Variants in TGM5 observed in about 807,000 individuals in gnomAD.
The protein encoded by TGM5 is transglutaminase 5, also known as protein-glutamine gamma-glutamyltransferase 5.
In TGM5, 69 loss-of-function variants were observed where a neutral mutation model predicts 77.2. The observed-to-expected ratio is 0.89, with a 90% CI of 0.74 to 1.09. The LOEUF (loss-of-function observed/expected upper bound fraction) is 1.09. TGM5 is among the 50% of genes least tolerant of loss of function. The pLI is 0.00. For missense variants in TGM5, 842 were observed against 896.5 expected (o/e 0.94, Z 0.78); for synonymous variants, 346 against 351.8 (o/e 0.98, Z 0.18).
chr15:43,241,888 C>A (rs573819042), intron 6 of TGM5, among the ~76,000 whole-genome samples: 21 of 152,206 alleles, frequency 1.4e-4, no homozygotes, highest in Non-Finnish European at 2.4e-4. Flanking sequence ...GATCCGCCTG[C>A]CTTGGCCTCC....
intron 3 of TGM5, among the ~76,000 whole-genome samples, chr15:43,258,394 G>T (rs2042759010): frequency 1.3e-5 from 2 of 151,982 alleles, no homozygotes; most frequent in Admixed American, 6.6e-5. Context: ...CTAAAATAAA[G>T]GTTAAAAATT....
At position 43,235,912 on chromosome 15, in the gene TGM5, C is replaced by T. The variant is rs913879750; in HGVS notation, c.1346-75G>A. 3.1e-6 allele frequency: 5 copies of T among 1,591,590 alleles called. No individual in the cohort carries two copies. The African/African-American group carries it at 4.0e-5, about 13-fold the overall frequency. On this transcript the variant is annotated intron_variant, in intron 9 of 12. Transcript: ENST00000220420. ...TAGACTGAGGCTGAGCGCCATCCCC[C>T]ACCCAATATCTCCACCAACAACTTC...
At chr15:43,235,918 A>C in intron 9 of TGM5, 81 bp from the exon 10 acceptor site, 1 of 1,584,334 alleles carries the variant, frequency 6.3e-7, no homozygotes, top group Non-Finnish European at 8.6e-7. Flanking sequence ...CCCCCACCCA[A>C]TATCTCCACC....
chr15:43,261,072 G>GTTTTTTTTTTTTTT (rs1566837432), intron 1 of TGM5, among the ~76,000 whole-genome samples: 1 of 53,880 alleles, frequency 1.9e-5, no homozygotes, highest in African/African-American at 5.7e-5. Context: ...TTTTTTGTGT[G>GTTTTTTTTTTTTTT]TGTGTTTTTT....
chr15:43,234,624 A>C (rs2042573391), intron 11 of TGM5, 145 bp downstream of exon 11: 1 of 1,023,328 alleles, frequency 9.8e-7, no homozygotes, highest in Non-Finnish European at 1.5e-6. Context: ...TCTCAGACAA[A>C]CTTCTCCCTC....
intron 6 of TGM5, among the ~76,000 whole-genome samples, chr15:43,243,960 C>T (rs552004957): frequency 6.6e-6 from 1 of 152,180 alleles, no homozygotes; most frequent in Non-Finnish European, 1.5e-5. Context: ...GGTCACAGGG[C>T]AGGAAGAGAA....
In TGM5 at chr15:43,235,546, T is replaced by C. The variant is rs745476392; in HGVS notation, c.1637A>G (p.Gln546Arg). ...FKDLKVNLSAQSLLHDGSPLS... is the reference protein window; with the variant it reads ...FKDLKVNLSARSLLHDGSPLS... The stretch of plus-strand genomic sequence containing the variant: ...GGGGCTGCCATCGTGCAGCAGAGAC[T>C]GGGCACTCAGGTTCACTTTGAGGTC... The change falls in exon 10 of 13, where the codon CAG becomes CGG. Residue 546 changes from glutamine to arginine, a missense_variant. Around this residue, in one of 2 missense-constraint regions of TGM5, gnomAD observed 815 missense variants for 844.6 expected, o/e 0.96. Coordinates refer to ENST00000220420, the MANE Select transcript of TGM5 (RefSeq NM_201631.4). 6.2e-7 allele frequency: 1 copy of C among 1,614,180 alleles called. No individual in the cohort carries two copies. The highest frequency in any genetic ancestry group is 2.2e-5 in the East Asian group (1 of 44,882).
At chr15:43,263,557 G>C (rs1194031418) in intron 1 of TGM5, among the ~76,000 whole-genome samples, 1 of 152,186 alleles carries the variant, frequency 6.6e-6, no homozygotes, top group East Asian at 1.9e-4. Flanking sequence ...CAATTCAATG[G>C]GGGAAAGAAT....
chr15:43,253,683 G>T, intron 4 of TGM5, 49 bp from the exon 5 acceptor site: 1 of 1,605,046 alleles, frequency 6.2e-7, no homozygotes, highest in Non-Finnish European at 8.5e-7. Flanking sequence ...TGTCACGTGG[G>T]AGTATGTAAA....
chr15:43,242,340 C>T (rs1350637762), intron 6 of TGM5, among the ~76,000 whole-genome samples: 4 of 152,172 alleles, frequency 2.6e-5, no homozygotes, highest in South Asian at 2.1e-4. Context: ...CCTATTTTAT[C>T]GAATATTTGC....
intron 11 of TGM5, 46 bp from the exon 12 acceptor site, chr15:43,233,733 C>A: frequency 1.2e-6 from 2 of 1,609,732 alleles, no homozygotes; most frequent in African/African-American, 2.7e-5. Context: ...CATTCCCCAA[C>A]TCACCAGATA....
chr15:43,239,508 C>A, intron 7 of TGM5: 1 of 541,648 alleles, frequency 1.8e-6, no homozygotes, highest in Non-Finnish European at 3.3e-6. Context: ...AAAGGAAGAT[C>A]TCGTCTCAAA....
At chr15:43,257,512 T>C (rs995780062) in intron 3 of TGM5, among the ~76,000 whole-genome samples, 1 of 152,322 alleles carries the variant, frequency 6.6e-6, no homozygotes, top group Non-Finnish European at 1.5e-5. Context: ...ATTTTGCCAT[T>C]GAAAGTAATG....
chr15:43,266,178 T>C (rs579651), intron 1 of TGM5, among the ~76,000 whole-genome samples: 63,764 of 152,128 alleles, frequency 0.42, 15,580 homozygotes, highest in African/African-American at 0.67. Flanking sequence ...AATTAAAAGT[T>C]ATGAAAATTT....
chr15:43,238,603 G>A (rs781584422), intron 9 of TGM5, among the ~76,000 whole-genome samples: 2 of 152,250 alleles, frequency 1.3e-5, no homozygotes, highest in Non-Finnish European at 2.9e-5. Flanking sequence ...CCATGTCAGC[G>A]CCTTGTGGCG....
chr15:43,250,403 C>A (rs368464950), intron 6 of TGM5, among the ~76,000 whole-genome samples: 1 of 152,166 alleles, frequency 6.6e-6, no homozygotes, highest in African/African-American at 2.4e-5. Flanking sequence ...AAATGACTTG[C>A]CCAAGGTTAC....
At position 43,261,378 on chromosome 15, in the gene TGM5, C is replaced by T. The variant is rs976511251; in HGVS notation, c.11-799G>A. 7.9e-5 allele frequency among the ~76,000 whole-genome samples: 12 copies of T among 152,174 alleles called. No homozygotes were observed. In the East Asian group the frequency reaches 2.3e-3, roughly 29 times the overall value. Reference sequence around the variant, plus strand: ...TGCTGGGATTACAGGCGTGAGCCACCGTGCCCGGCTGCTAGCTGCTCTTCT... The same window carrying T: ...TGCTGGGATTACAGGCGTGAGCCACTGTGCCCGGCTGCTAGCTGCTCTTCT... On this transcript the variant is annotated intron_variant, in intron 1 of 12. Coordinates refer to ENST00000220420, the MANE Select transcript of TGM5 (RefSeq NM_201631.4).
At position 43,260,154 on chromosome 15, in the gene TGM5, C is replaced by T; in HGVS notation, c.334G>A (p.Val112Met). ...VSLCAPPTAA[V>M]GRYLLKIHID... Reference sequence around the variant, plus strand: ...TGGATTTTCAAGAGGTACCGACCCACGGCCGCCGTGGGAGGAGCGCACAAG... The same window carrying T: ...TGGATTTTCAAGAGGTACCGACCCATGGCCGCCGTGGGAGGAGCGCACAAG... The change falls in exon 3 of 13, where the codon GTG becomes ATG. Residue 112 changes from valine (V) to methionine (M), a missense_variant. Physicochemically the swap from Val to Met is conservative, Grantham distance 21 (BLOSUM62 1). This residue lies in a region of TGM5 where 815 missense variants were observed against 844.6 expected (regional missense o/e 0.96). Transcript: ENST00000220420. 3 of 1,614,140 alleles carry T rather than the reference C, an allele frequency of 1.9e-6. No individual in the cohort carries two copies. Among genetic ancestry groups the T allele is most frequent in the South Asian group, 2.2e-5 (2 of 91,086 alleles).
Position 43,242,475 on chromosome 15 carries a change from T to C in TGM5, c.863-1485A>G, listed in dbSNP as rs186956213. Reference sequence around the variant, plus strand: ...ATCCCCCCTCCCCTGGGACATATTCTAAGGGGTAAAGTGACTGAGTCAAAA... The same window carrying C: ...ATCCCCCCTCCCCTGGGACATATTCCAAGGGGTAAAGTGACTGAGTCAAAA... On this transcript the variant is annotated intron_variant, in intron 6 of 12. Coordinates refer to ENST00000220420, the MANE Select transcript of TGM5 (RefSeq NM_201631.4). Among the ~76,000 whole-genome samples, 4 of 152,356 alleles carry C rather than the reference T, an allele frequency of 2.6e-5. No individual in the cohort carries two copies. The East Asian group carries it at 7.7e-4, about 29-fold the overall frequency.
Sources: gnomAD v4.1 joint callset for allele counts (sites outside exome capture counted in the v4.1 genomes callset) on GRCh38, gnomAD v4.1.1 for gene constraint, gnomAD v4.1.1 regional missense constraint, MANE v1.5 for transcripts, NCBI Gene and HGNC (gene_info 2026-07-23, HGNC 2026-07-21) for gene names.